The following GATA3 variants were observed in gnomAD, a reference collection of about 807,000 sequenced individuals.
GATA3 encodes the protein trans-acting T-cell-specific transcription factor GATA-3.
Under a neutral mutation model 36.0 loss-of-function variants are expected in GATA3, and 6 were observed. The observed-to-expected ratio is 0.17, with a 90% CI of 0.09 to 0.33. GATA3 has a LOEUF of 0.33. Among genes scored for constraint, GATA3 ranks in the 10% least tolerant of loss-of-function variants. The probability of loss-of-function intolerance (pLI) is 1.00; values close to 1 mark genes in which losing one functional copy is unlikely to be tolerated. For synonymous variants in GATA3, 326 were observed against 273.0 expected (o/e 1.19, Z -1.92); for missense variants, 514 against 610.1 (o/e 0.84, Z 1.66).
intron 1 of GATA3, among the ~76,000 whole-genome samples, chr10:8,046,734 G>C (rs1248795337): frequency 6.6e-6 from 1 of 151,194 alleles, no homozygotes. Context: ...CAGAAGAACG[G>C]AATTGTTTTC....
At chr10:8,065,544 A>T (rs946023430) in intron 4 of GATA3, among the ~76,000 whole-genome samples, 1 of 151,842 alleles carries the variant, frequency 6.6e-6, no homozygotes, top group Non-Finnish European at 1.5e-5. Flanking sequence ...GGCATGAGCC[A>T]CCGCTCCCAG....
In GATA3 at chr10:8,055,919, G is replaced by A; in HGVS notation, c.241+23G>A. 1 of 1,550,662 alleles carries A rather than the reference G, an allele frequency of 6.4e-7. No individual in the cohort carries two copies. On this transcript the variant is annotated intron_variant, in intron 2 of 5. Coordinates refer to ENST00000379328, the MANE Select transcript of GATA3 (RefSeq NM_001002295.2). The surrounding 1 kb of genome is among the most constrained non-coding windows in gnomAD (Gnocchi z 5.4). ...ACGGTGAGTGCGCCCGGGGTGCCGG[G>A]GCTCCCGCCGGCCGCTTCAGCCGTC... is the stretch of plus-strand genomic sequence containing the variant.
At chr10:8,069,698 G>T in intron 5 of GATA3, 100 bp downstream of exon 5, 1 of 1,377,000 alleles carries the variant, frequency 7.3e-7, no homozygotes, top group South Asian at 1.2e-5. Flanking sequence ...TCACCATGGG[G>T]GCAGATGACA....
At chr10:8,063,897 GTTCTCCATTTTACGT>G in intron 3 of GATA3, 81 bp from the exon 4 acceptor site, 1 of 1,563,018 alleles carries the variant, frequency 6.4e-7, no homozygotes, top group Non-Finnish European at 8.8e-7. Flanking sequence ...AAGGAAAAAA[GTTCTCCATTTTACGT>G]TTCTCCCCCA....
Position 8,074,937 on chromosome 10 carries a change from T to C in GATA3, c.*914T>C, listed in dbSNP as rs1832991210. ...GGTTTCTTGTTTCTTTTCCATTTTG[T>C]TTTTGGATGATATTTATTAAATAGC... On this transcript the variant is annotated 3_prime_UTR_variant, in exon 6 of 6. Coordinates refer to ENST00000379328, the MANE Select transcript of GATA3 (RefSeq NM_001002295.2). 4.3e-6 allele frequency: 1 copy of C among 233,624 alleles called. No individual in the cohort carries two copies. The highest frequency in any genetic ancestry group is 8.5e-6 in the Non-Finnish European group (1 of 118,066). 14.5% of individuals were successfully genotyped at this position (233,624 alleles called of 1,614,324 possible).
intron 5 of GATA3, among the ~76,000 whole-genome samples, 196 bp from the exon 6 acceptor site, chr10:8,073,543 T>TA (rs937905332): frequency 2.6e-5 from 4 of 152,032 alleles, no homozygotes; most frequent in African/African-American, 9.7e-5. Context: ...TGTAATCTGG[T>TA]AACTGTATGT....
intron 1 of GATA3, among the ~76,000 whole-genome samples, chr10:8,047,872 A>G (rs1832411403): frequency 4.0e-5 from 6 of 151,466 alleles, no homozygotes; most frequent in Admixed American, 3.9e-4. Flanking sequence ...CGCATGCCAA[A>G]CCTCCTCCTT....
At chr10:8,050,883 G>T, upstream of GATA3, 1 of 458,104 alleles carries the variant, frequency 2.2e-6, no homozygotes, top group South Asian at 1.7e-5. Flanking sequence ...CGACCCCGGG[G>T]CTCCGCTTTG....
rs1564401454 is a variant in GATA3 at position 8,064,064 on chromosome 10, C to T, written c.850C>T (p.Leu284=). The change falls in exon 4 of 6, where the codon CTG becomes TTG. Residue 284 remains leucine (L), a synonymous_variant. Transcript: ENST00000379328. ...LWRRDGTGHY[L]CNACGLYHKM... ...GCGGCGAGATGGCACGGGACACTAC[C>T]TGTGCAACGCCTGCGGGCTCTATCA... 9 of 1,614,142 alleles carry T rather than the reference C, an allele frequency of 5.6e-6. No homozygotes were observed. The highest frequency in any genetic ancestry group is 7.6e-6 in the Non-Finnish European group (9 of 1,180,026).
intron 4 of GATA3, among the ~76,000 whole-genome samples, chr10:8,067,800 A>C (rs1832870610): frequency 6.6e-6 from 1 of 152,144 alleles, no homozygotes; most frequent in African/African-American, 2.4e-5. Flanking sequence ...CCTGGGCGAC[A>C]GAGCGAGACT....
intron 1 of GATA3, among the ~76,000 whole-genome samples, chr10:8,047,812 G>T (rs1269262151): frequency 6.6e-6 from 1 of 152,206 alleles, no homozygotes; most frequent in Non-Finnish European, 1.5e-5. Flanking sequence ...CGGAGGGAGG[G>T]GCTGCGGGTA....
chr10:8,067,751 G>C (rs1832868882), intron 4 of GATA3, among the ~76,000 whole-genome samples: 1 of 152,238 alleles, frequency 6.6e-6, no homozygotes, highest in South Asian at 2.1e-4. Flanking sequence ...CCAGGAGGCG[G>C]AGCTTGCAGT....
chr10:8,071,729 C>T (rs1169720796), intron 5 of GATA3, among the ~76,000 whole-genome samples: 1 of 152,184 alleles, frequency 6.6e-6, no homozygotes, highest in African/African-American at 2.4e-5. Flanking sequence ...AGATAATAAT[C>T]TATTAACATT....
chr10:8,065,170 T>C (rs143686922), intron 4 of GATA3, among the ~76,000 whole-genome samples: 1 of 152,174 alleles, frequency 6.6e-6, no homozygotes, highest in African/African-American at 2.4e-5. Flanking sequence ...TGTATTCTTT[T>C]TAAAGAATAC....
intron 3 of GATA3, among the ~76,000 whole-genome samples, chr10:8,059,763 T>A (rs1388027439): frequency 3.3e-5 from 5 of 152,230 alleles, no homozygotes; most frequent in Admixed American, 3.3e-4. Flanking sequence ...AATAAATCGA[T>A]CTATCACCAA....
At chr10:8,058,219 T>G in intron 2 of GATA3, 86 bp from the exon 3 acceptor site, 1 of 1,451,974 alleles carries the variant, frequency 6.9e-7, no homozygotes, top group Non-Finnish European at 9.6e-7. Context: ...CGATGCGAGG[T>G]AGAGATTCCC....
At chr10:8,046,865 T>G (rs1199150939) in intron 1 of GATA3, among the ~76,000 whole-genome samples, 5 of 152,118 alleles carry the variant, frequency 3.3e-5, no homozygotes, top group Admixed American at 3.3e-4. Context: ...AGGCCCTGCT[T>G]GCAGCTCCCA....
intron 4 of GATA3, among the ~76,000 whole-genome samples, chr10:8,066,442 CTTT>C (rs1564402467): frequency 1.4e-5 from 2 of 147,592 alleles, no homozygotes; most frequent in African/African-American, 4.9e-5. Flanking sequence ...TTCTTTCTTT[CTTT>C]CTTTCTTTTT....
At position 8,058,391 on chromosome 10, in the gene GATA3, TC is replaced by T; in HGVS notation, c.333del (p.Trp112GlyfsTer83). The T allele has an allele frequency of 6.2e-7, 1 of 1,612,136 alleles. No homozygotes were observed. On this transcript the variant is annotated frameshift_variant, in exon 3 of 6. Transcript: ENST00000379328. LOFTEE classifies it high-confidence loss of function. ...GKALGSHHTA[S>X]PWNLSPFSKT... ...AGCCCTGGGCAGCCACCACACCGCC[TC>T]CCCCTGGAATCTCAGCCCCTTCTCC...
Sources: allele counts gnomAD v4.1 joint callset (sites outside exome capture counted in the v4.1 genomes callset), GRCh38; gene constraint gnomAD v4.1.1; non-coding constraint Gnocchi (gnomAD v3.1); transcripts MANE v1.5; gene names NCBI Gene and HGNC (gene_info 2026-07-23, HGNC 2026-07-21).